TMEM131: variants seen among roughly 807,000 people sequenced by gnomAD.
TMEM131 encodes transmembrane protein 131.
A neutral mutation model predicts 211.6 loss-of-function variants in TMEM131; 66 were observed. The observed-to-expected ratio is 0.31, with a 90% CI of 0.26 to 0.38. The LOEUF (loss-of-function observed/expected upper bound fraction) is 0.38, where lower values mean the gene tolerates loss of function less well. TMEM131 is among the 10% of genes least tolerant of loss of function. The pLI is 1.00. For missense variants in TMEM131, 2,036 were observed against 2,299.3 expected (o/e 0.89, Z 2.34); for synonymous variants, 844 against 841.3 (o/e 1.00, Z -0.06).
rs769960978 is a variant in TMEM131, at chr2:97,757,258, G to A, written c.5493C>T (p.Leu1831=). ...TPANTLASIG[L]MGTENSPAPH... ...GAGCAGGGGAGTTTTCTGTGCCCAT[G>A]AGGCCGATGCTTGCCAGCGTGTTTG... The change falls in exon 41 of 41, where the codon CTC becomes CTT. Residue 1831 remains leucine, a synonymous_variant. Transcript: ENST00000186436. The A allele has an allele frequency of 1.2e-6, 2 of 1,614,008 alleles. No homozygotes were observed. Among genetic ancestry groups the A allele is most frequent in the South Asian group, 2.2e-5 (2 of 91,080 alleles).
chr2:97,992,616 A>G lies in TMEM131; in HGVS notation c.187+2860T>C, dbSNP rs559743784. Among the ~76,000 whole-genome samples, 116 of 152,340 alleles carry G rather than the reference A, an allele frequency of 7.6e-4. 1 individual carries two copies. Among genetic ancestry groups the G allele is most frequent in the African/African-American group, 2.6e-3 (110 of 41,580 alleles). ...CAAAAACCCACTTCACAATGAAATT[A>G]TATTACATGATATATAATGCTTTTT... On this transcript the variant is annotated intron_variant, in intron 1 of 40. Coordinates refer to ENST00000186436, the MANE Select transcript of TMEM131 (RefSeq NM_015348.2).
chr2:97,789,234 C>T (rs1347618025), intron 31 of TMEM131, among the ~76,000 whole-genome samples: 1 of 152,264 alleles, frequency 6.6e-6, no homozygotes, highest in Admixed American at 6.5e-5. Context: ...ACACCTTCCA[C>T]TGCTTTCTGT....
intron 1 of TMEM131, among the ~76,000 whole-genome samples, chr2:97,956,343 G>A (rs576428720): frequency 6.6e-6 from 1 of 152,258 alleles, no homozygotes; most frequent in East Asian, 1.9e-4. Flanking sequence ...GAACCAACTT[G>A]CTAAATGGAA....
chr2:97,919,460 T>C (rs969864192), intron 2 of TMEM131, among the ~76,000 whole-genome samples: 3 of 152,204 alleles, frequency 2.0e-5, no homozygotes, highest in Non-Finnish European at 4.4e-5. Context: ...TTATTATATA[T>C]TATTTTTGCC....
chr2:97,965,263 G>A (rs904434282), intron 1 of TMEM131, among the ~76,000 whole-genome samples: 3 of 152,108 alleles, frequency 2.0e-5, no homozygotes, highest in Non-Finnish European at 4.4e-5. Context: ...AATGACTGAC[G>A]AGTTCTCCTT....
intron 1 of TMEM131, among the ~76,000 whole-genome samples, chr2:97,965,152 C>T (rs1226877863): frequency 6.6e-6 from 1 of 152,204 alleles, no homozygotes; most frequent in Non-Finnish European, 1.5e-5. Flanking sequence ...AACCCACTCC[C>T]ACCCATTTCA....
chr2:97,924,509 C>G (rs1215403689), intron 2 of TMEM131, among the ~76,000 whole-genome samples: 1 of 152,118 alleles, frequency 6.6e-6, no homozygotes, highest in Non-Finnish European at 1.5e-5. Flanking sequence ...GCATTTTTTA[C>G]CCCAGCTCAG....
intron 22 of TMEM131, among the ~76,000 whole-genome samples, chr2:97,804,398 G>T (rs1368731094): frequency 2.0e-5 from 3 of 151,988 alleles, no homozygotes; most frequent in Non-Finnish European, 4.4e-5. Context: ...GGCACAGTGG[G>T]TCACGCCTGT....
chr2:97,949,386 C>T (rs1319424338), intron 1 of TMEM131, among the ~76,000 whole-genome samples: 1 of 152,010 alleles, frequency 6.6e-6, no homozygotes, highest in African/African-American at 2.4e-5. Context: ...TACAAAGGGT[C>T]ACAAGGAAAT....
At chr2:97,893,613 A>G (rs1022094714) in intron 3 of TMEM131, among the ~76,000 whole-genome samples, 1 of 152,234 alleles carries the variant, frequency 6.6e-6, no homozygotes, top group East Asian at 1.9e-4. Context: ...ATCTCACTGT[A>G]GTTTTGATTT....
chr2:97,908,556 T>C, intron 3 of TMEM131, 102 bp downstream of exon 3: 3 of 818,146 alleles, frequency 3.7e-6, no homozygotes, highest in Non-Finnish European at 5.9e-6. Flanking sequence ...AATTTGCTAT[T>C]CCTTCTTCAC....
Position 97,943,101 on chromosome 2 carries a change from G to GAA in TMEM131, c.188-15615_188-15614insTT, listed in dbSNP as rs1553617928. 3.3e-5 allele frequency among the ~76,000 whole-genome samples: 5 copies of GAA among 149,524 alleles called. No individual in the cohort carries two copies. The South Asian group carries it at 6.4e-4, about 19-fold the overall frequency. On this transcript the variant is annotated intron_variant, in intron 1 of 40. Coordinates refer to ENST00000186436, the MANE Select transcript of TMEM131 (RefSeq NM_015348.2). ...AGAAAGAAAGAAAGAAAGAAAGAAAGAGCTGGGTGTGGTGGTGCATGCCTG... is the reference window on the plus strand; with the variant it reads ...AGAAAGAAAGAAAGAAAGAAAGAAAGAAAGCTGGGTGTGGTGGTGCATGCCTG...
intron 3 of TMEM131, among the ~76,000 whole-genome samples, chr2:97,905,946 C>T (rs1317144546): frequency 6.6e-6 from 1 of 152,156 alleles, no homozygotes; most frequent in Non-Finnish European, 1.5e-5. Context: ...ATTGGAGACA[C>T]CACTTCTGAT....
At chr2:97,927,190 T>C (rs1677028380) in intron 2 of TMEM131, among the ~76,000 whole-genome samples, 1 of 152,198 alleles carries the variant, frequency 6.6e-6, no homozygotes, top group Non-Finnish European at 1.5e-5. Flanking sequence ...GATAATGTAC[T>C]TATTTACAAG....
intron 24 of TMEM131, among the ~76,000 whole-genome samples, 178 bp downstream of exon 24, chr2:97,802,250 T>C (rs912395416): frequency 1.3e-5 from 2 of 152,236 alleles, no homozygotes; most frequent in African/African-American, 4.8e-5. Context: ...AAAGTTTTTC[T>C]GGATGCTTTG....
rs1453676241 is a variant in TMEM131 at position 97,990,331 on chromosome 2, T to G, written c.187+5145A>C. Among the ~76,000 whole-genome samples, 4 of 151,152 alleles carry G rather than the reference T, an allele frequency of 2.6e-5. 1 individual carries two copies. Among genetic ancestry groups the G allele is most frequent in the Non-Finnish European group, 5.9e-5 (4 of 67,770 alleles). The stretch of plus-strand genomic sequence containing the variant: ...GTGGCTGATTGAAAAAAAAAAAAAG[T>G]ACATTTTACTTGAATACTAATACAT... On this transcript the variant is annotated intron_variant, in intron 1 of 40. Transcript: ENST00000186436.
At chr2:97,869,754 C>T (rs2105217782) in intron 4 of TMEM131, among the ~76,000 whole-genome samples, 1 of 152,260 alleles carries the variant, frequency 6.6e-6, no homozygotes, top group East Asian at 1.9e-4. Context: ...GAATCTAGAC[C>T]ATGGAAAGTA....
At position 97,927,412 on chromosome 2, in the gene TMEM131, T is replaced by TAA; in HGVS notation, c.249+12_249+13dup. On this transcript the variant is annotated intron_variant, in intron 2 of 40. Coordinates refer to ENST00000186436, the MANE Select transcript of TMEM131 (RefSeq NM_015348.2). ...AAGGCTTAACAATAACTTGTCTACT[T>TAA]AAAAAAAAATTACCTGTAGTAGCCC... 3 of 1,561,106 alleles carry TAA rather than the reference T, an allele frequency of 1.9e-6. No homozygotes were observed. The highest frequency in any genetic ancestry group is 2.3e-5 in the East Asian group (1 of 43,366).
rs1680481788 is a variant in TMEM131 at position 97,995,723 on chromosome 2, G to T, written c.-61C>A. ...GCGCGGCCCTTCTCGGCGAGGCGGC[G>T]GCGGCGCGGAAGCCGTGGTCCGGGC... On this transcript the variant is annotated 5_prime_UTR_variant, in exon 1 of 41. Coordinates refer to ENST00000186436, the MANE Select transcript of TMEM131 (RefSeq NM_015348.2). 8.8e-7 allele frequency: 1 copy of T among 1,141,290 alleles called. No individual in the cohort carries two copies. Among genetic ancestry groups the T allele is most frequent in the Non-Finnish European group, 1.1e-6 (1 of 924,462 alleles). 70.7% of individuals were successfully genotyped at this position (1,141,290 alleles called of 1,614,324 possible). A position where few individuals can be genotyped will look rare whatever the true frequency, so the allele number is the denominator to read the frequency against.
Sources: allele counts gnomAD v4.1 joint callset (sites outside exome capture counted in the v4.1 genomes callset), GRCh38; gene constraint gnomAD v4.1.1; transcripts MANE v1.5; gene names NCBI Gene and HGNC (gene_info 2026-07-23, HGNC 2026-07-21).